Variants in GAB2 observed in about 807,000 individuals in gnomAD.
GAB2 encodes the protein GRB2 associated binding protein 2.
GAB2 carries 26 observed loss-of-function variants against 65.5 expected under a neutral mutation model. The ratio of observed to expected loss-of-function variants is 0.40; its 90% confidence interval spans 0.29 to 0.55. The LOEUF (loss-of-function observed/expected upper bound fraction) is 0.55. Ranked by LOEUF, GAB2 falls within the 20% of genes least tolerant of loss-of-function variation. The pLI is 0.53. For synonymous variants in GAB2, 321 were observed against 329.6 expected (o/e 0.97, Z 0.28); for missense variants, 884 against 875.8 (o/e 1.01, Z -0.12).
chr11:78,239,878 T>A (rs1865080617), intron 3 of GAB2, among the ~76,000 whole-genome samples: 1 of 152,162 alleles, frequency 6.6e-6, no homozygotes, highest in South Asian at 2.1e-4. Flanking sequence ...ATTGGAACTA[T>A]GGCTGGAGTG....
At chr11:78,300,707 T>G (rs868037954) in intron 1 of GAB2, among the ~76,000 whole-genome samples, 6,445 of 145,190 alleles carry the variant, frequency 0.044, 376 homozygotes, top group African/African-American at 0.16. Flanking sequence ...TTTTTTTTTT[T>G]TTTTTGAGAC....
chr11:78,317,082 T>C (rs1285849381), intron 1 of GAB2, among the ~76,000 whole-genome samples: 2 of 152,170 alleles, frequency 1.3e-5, no homozygotes, highest in Non-Finnish European at 2.9e-5. Flanking sequence ...ATGGCAAGCC[T>C]AGAGTAGCCA....
intron 4 of GAB2, among the ~76,000 whole-genome samples, chr11:78,226,174 T>C (rs1864641829): frequency 6.6e-6 from 1 of 152,224 alleles, no homozygotes; most frequent in Admixed American, 6.5e-5. Flanking sequence ...TTTGGGCTTC[T>C]AAACCCATAA....
intron 8 of GAB2, 115 bp from the exon 9 acceptor site, chr11:78,220,559 G>A: frequency 2.4e-6 from 2 of 817,244 alleles, no homozygotes; most frequent in South Asian, 3.9e-5. Context: ...TCTGACACAT[G>A]CACCATGCTA....
At chr11:78,306,100 T>C (rs573177542) in intron 1 of GAB2, among the ~76,000 whole-genome samples, 176 of 152,362 alleles carry the variant, frequency 1.2e-3, no homozygotes, top group African/African-American at 4.0e-3. Context: ...AGAAATTTAA[T>C]ACTTTATCTT....
At chr11:78,246,768 G>A (rs369353448) in intron 3 of GAB2, among the ~76,000 whole-genome samples, 1 of 152,196 alleles carries the variant, frequency 6.6e-6, no homozygotes. Flanking sequence ...CAAAGTGCTA[G>A]AATTATAGGC....
Position 78,241,074 on chromosome 11 carries a change from G to GA in GAB2, c.620+9082dup, listed in dbSNP as rs1216199840. ...CCCTGACTGAGTCTCCTCATTTGGG[G>GA]AAAATGAGAAGAGAAAGACCCAAAA... is the stretch of plus-strand genomic sequence containing the variant. On this transcript the variant is annotated intron_variant, in intron 3 of 9. Transcript: ENST00000361507. Among the ~76,000 whole-genome samples, 28 of 152,318 alleles carry GA rather than the reference G, an allele frequency of 1.8e-4. 1 individual carries two copies. The highest frequency in any genetic ancestry group is 5.8e-4 in the African/African-American group (24 of 41,566).
chr11:78,247,107 T>A (rs1205538318), intron 3 of GAB2, among the ~76,000 whole-genome samples: 4 of 152,352 alleles, frequency 2.6e-5, no homozygotes, highest in Non-Finnish European at 5.9e-5. Flanking sequence ...ATTTTAGCCA[T>A]TTGCACTGTG....
Position 78,234,201 on chromosome 11 carries a change from G to A in GAB2, c.621-7150C>T, listed in dbSNP as rs539792334. 3.3e-5 allele frequency among the ~76,000 whole-genome samples: 5 copies of A among 152,258 alleles called. No homozygotes were observed. In the East Asian group the frequency reaches 5.8e-4, roughly 18 times the overall value. On this transcript the variant is annotated intron_variant, in intron 3 of 9. Coordinates refer to ENST00000361507, the MANE Select transcript of GAB2 (RefSeq NM_080491.3). ...AGGCTCAAGTGATCCTCCCACCACA[G>A]CCTGCTGAGTAGCTGGGAATGCAAG...
At chr11:78,248,451 A>ATC (rs1865356359) in intron 3 of GAB2, among the ~76,000 whole-genome samples, 1 of 152,246 alleles carries the variant, frequency 6.6e-6, no homozygotes, top group Admixed American at 6.5e-5. Context: ...TTACTGAGTC[A>ATC]GAGTGAGCAT....
At chr11:78,394,348 T>G (rs1346937401) in intron 1 of GAB2, among the ~76,000 whole-genome samples, 1 of 152,214 alleles carries the variant, frequency 6.6e-6, no homozygotes, top group Admixed American at 6.5e-5. Flanking sequence ...CCCAACCATG[T>G]GCTCCTGCAC....
intron 1 of GAB2, among the ~76,000 whole-genome samples, chr11:78,391,546 C>T (rs12363196): frequency 0.056 from 8,492 of 152,234 alleles, 679 homozygotes; most frequent in East Asian, 0.35. Context: ...TGTAAGCAGT[C>T]TGATTGCTTA....
chr11:78,276,809 ATTTT>A (rs950572072), intron 2 of GAB2, among the ~76,000 whole-genome samples: 1 of 145,926 alleles, frequency 6.9e-6, no homozygotes, highest in Non-Finnish European at 1.5e-5. Context: ...ATTTTTATTT[ATTTT>A]ATTTATTTAT....
intron 1 of GAB2, among the ~76,000 whole-genome samples, chr11:78,355,993 T>C (rs1370503249): frequency 6.6e-6 from 1 of 151,706 alleles, no homozygotes; most frequent in East Asian, 1.9e-4. Flanking sequence ...GCCAACATGG[T>C]GAAAGCCCGT....
At chr11:78,404,813 A>C (rs552490701) in intron 1 of GAB2, among the ~76,000 whole-genome samples, 1 of 152,392 alleles carries the variant, frequency 6.6e-6, no homozygotes, top group Admixed American at 6.5e-5. Flanking sequence ...AAATACAGTT[A>C]GAAGAACTAA....
intron 1 of GAB2, among the ~76,000 whole-genome samples, chr11:78,328,484 T>C (rs1855862572): frequency 6.6e-6 from 1 of 152,146 alleles, no homozygotes; most frequent in Non-Finnish European, 1.5e-5. Context: ...AGACTTATAG[T>C]AGATTTACTC....
chr11:78,398,044 C>T (rs766378105), intron 1 of GAB2, among the ~76,000 whole-genome samples: 19 of 96,334 alleles, frequency 2.0e-4, no homozygotes, highest in Non-Finnish European at 3.4e-4. Context: ...ACACACACAT[C>T]CCTGGCCTAT....
intron 3 of GAB2, among the ~76,000 whole-genome samples, chr11:78,242,179 A>G (rs1014476298): frequency 6.6e-6 from 1 of 152,238 alleles, no homozygotes; most frequent in Middle Eastern, 3.2e-3. Context: ...ATGCTCTTGA[A>G]TGATTTAATG....
At chr11:78,385,180 C>T (rs558214172) in intron 1 of GAB2, among the ~76,000 whole-genome samples, 1 of 152,284 alleles carries the variant, frequency 6.6e-6, no homozygotes, top group East Asian at 1.9e-4. Context: ...TGGTGATACA[C>T]ACAGGGTATA....
Sources: gnomAD v4.1 joint callset for allele counts (sites outside exome capture counted in the v4.1 genomes callset) on GRCh38, gnomAD v4.1.1 for gene constraint, MANE v1.5 for transcripts, NCBI Gene and HGNC (gene_info 2026-07-23, HGNC 2026-07-21) for gene names.